The following FER1L6 variants were observed in gnomAD, a reference collection of about 807,000 sequenced individuals.
FER1L6 encodes fer-1 like family member 6, also known as fer-1-like protein 6.
In FER1L6, 177 loss-of-function variants were observed where a neutral mutation model predicts 219.2. The ratio of observed to expected loss-of-function variants is 0.81; its 90% confidence interval spans 0.71 to 0.91. FER1L6 has a LOEUF of 0.91. Ranked by LOEUF, FER1L6 falls within the 40% of genes least tolerant of loss-of-function variation. The pLI is 0.00. For missense variants in FER1L6, 2,153 were observed against 2,259.9 expected (o/e 0.95, Z 0.96); for synonymous variants, 768 against 824.3 (o/e 0.93, Z 1.17).
chr8:123,998,455 G>T (rs1435396512), intron 12 of FER1L6, among the ~76,000 whole-genome samples: 2 of 148,676 alleles, frequency 1.3e-5, no homozygotes, highest in Non-Finnish European at 3.0e-5. Context: ...TGGGGGAGGG[G>T]TGACACAAGC....
chr8:123,967,728 T>C (rs1815619484), intron 5 of FER1L6, among the ~76,000 whole-genome samples: 2 of 152,180 alleles, frequency 1.3e-5, no homozygotes, highest in South Asian at 2.1e-4. Flanking sequence ...GAGGCCGAGG[T>C]GGGCAGATCA....
At chr8:123,905,041 T>G (rs531078794) in intron 1 of FER1L6, among the ~76,000 whole-genome samples, 1 of 152,328 alleles carries the variant, frequency 6.6e-6, no homozygotes, top group East Asian at 1.9e-4. Flanking sequence ...GCCATTGAGT[T>G]TCATTTTAGC....
At chr8:123,919,363 T>G (rs145676339) in intron 1 of FER1L6, among the ~76,000 whole-genome samples, 23 of 152,324 alleles carry the variant, frequency 1.5e-4, no homozygotes, top group African/African-American at 5.5e-4. Flanking sequence ...CATTTACTCT[T>G]TATGTAAAGT....
Position 123,965,987 on chromosome 8 carries a change from A to G in FER1L6, c.198-20A>G, listed in dbSNP as rs564173154. 6.2e-7 allele frequency: 1 copy of G among 1,603,306 alleles called. No individual in the cohort carries two copies. Among genetic ancestry groups the G allele is most frequent in the African/African-American group, 1.3e-5 (1 of 74,852 alleles). ...TATTCTTCCTTGATGAAACAAACAT[A>G]TTAAACTTTCTTTTAATAGATCAAA... On this transcript the variant is annotated intron_variant, in intron 3 of 40. Coordinates refer to ENST00000522917, the MANE Select transcript of FER1L6 (RefSeq NM_001039112.2).
At chr8:123,917,216 C>T (rs1813215166) in intron 1 of FER1L6, among the ~76,000 whole-genome samples, 1 of 152,288 alleles carries the variant, frequency 6.6e-6, no homozygotes, top group South Asian at 2.1e-4. Flanking sequence ...ATAACTGTGC[C>T]AAACAGGAAG....
intron 13 of FER1L6, among the ~76,000 whole-genome samples, chr8:124,006,598 T>A (rs1303182166): frequency 6.6e-6 from 1 of 152,212 alleles, no homozygotes; most frequent in Non-Finnish European, 1.5e-5. Context: ...GGCTTTCCAG[T>A]GTTGCAAAGC....
rs1816555637 is a variant in FER1L6 at position 123,853,256 on chromosome 8, G to A, written c.-8+1071G>A. Among the ~76,000 whole-genome samples the A allele has an allele frequency of 6.6e-6, 1 of 152,192 alleles. No homozygotes were observed. Among genetic ancestry groups the A allele is most frequent in the Non-Finnish European group, 1.5e-5 (1 of 68,034 alleles). ...TGCAGCCGCCACCTCCCAGGTTCAA[G>A]TGAGTCTCGTGCCTCAGGCTCCAGA... On this transcript the variant is annotated intron_variant, in intron 1 of 40. Transcript: ENST00000522917. The surrounding 1 kb of genome is among the most constrained non-coding windows in gnomAD (Gnocchi z 6.6).
intron 1 of FER1L6, among the ~76,000 whole-genome samples, chr8:123,918,722 C>T (rs1031425082): frequency 1.3e-5 from 2 of 151,828 alleles, no homozygotes; most frequent in African/African-American, 4.8e-5. Context: ...GGGTGGTCAT[C>T]GAATGTTGGA....
At chr8:123,956,531 C>T (rs113129381) in intron 2 of FER1L6, among the ~76,000 whole-genome samples, 2,594 of 152,270 alleles carry the variant, frequency 0.017, 66 homozygotes, top group African/African-American at 0.058. Context: ...CCATCATCTT[C>T]GCAGTAGGTA....
In FER1L6 at chr8:123,852,098, C is replaced by T. The variant is rs560766735; in HGVS notation, c.-95C>T. The T allele has an allele frequency of 6.2e-4, 94 of 152,338 alleles. No individual in the cohort carries two copies. The highest frequency in any genetic ancestry group is 3.4e-3 in the Middle Eastern group (1 of 294). 9.4% of individuals were successfully genotyped at this position (152,338 alleles called of 1,614,324 possible). On this transcript the variant is annotated 5_prime_UTR_variant, in exon 1 of 41. Transcript: ENST00000522917. The surrounding 1 kb of genome is among the most constrained non-coding windows in gnomAD (Gnocchi z 4.9). ...GACCAGTGAATTCCACGAGCACGAA[C>T]CCACTGCTGCGCTTCATTTGCTGTG...
intron 1 of FER1L6, among the ~76,000 whole-genome samples, chr8:123,949,890 A>T (rs1262938072): frequency 1.3e-5 from 2 of 152,246 alleles, no homozygotes; most frequent in African/African-American, 4.8e-5. Context: ...TTTGGGGAGT[A>T]AAGGAAAAGC....
chr8:123,986,999 G>A (rs1816617637), intron 12 of FER1L6, among the ~76,000 whole-genome samples: 1 of 152,078 alleles, frequency 6.6e-6, no homozygotes, highest in South Asian at 2.1e-4. Context: ...ACATCTCTTC[G>A]ATATACTGAC....
At chr8:123,867,422 T>G (rs1816854515) in intron 1 of FER1L6, among the ~76,000 whole-genome samples, 1 of 152,152 alleles carries the variant, frequency 6.6e-6, no homozygotes, top group Non-Finnish European at 1.5e-5. Flanking sequence ...AGACAATAAT[T>G]CCAGTGCCTG....
rs145289193 is a variant in FER1L6, at chr8:124,105,296, C to T, written c.5289+1987C>T. Among the ~76,000 whole-genome samples, 232 of 152,146 alleles carry T rather than the reference C, an allele frequency of 1.5e-3. 1 individual carries two copies. The highest frequency in any genetic ancestry group is 3.4e-3 in the Middle Eastern group (1 of 294). ...ATGAACAAAAACCTCCCATAACTGGCGTGTGATGCATGAGGGCAGTGCTGG... is the reference window on the plus strand; with the variant it reads ...ATGAACAAAAACCTCCCATAACTGGTGTGTGATGCATGAGGGCAGTGCTGG... On this transcript the variant is annotated intron_variant, in intron 39 of 40. Transcript: ENST00000522917.
rs377618004 is a variant in FER1L6, at chr8:124,045,749, T to G, written c.2590-18T>G. ...TCAATTGAATGATCTTTTGCTTTTC[T>G]TTGGTCCCTGCTTCCAGATAATCTC... On this transcript the variant is annotated intron_variant, in intron 20 of 40. Coordinates refer to ENST00000522917, the MANE Select transcript of FER1L6 (RefSeq NM_001039112.2). The G allele has an allele frequency of 3.1e-6, 5 of 1,613,776 alleles. No homozygotes were observed. The highest frequency in any genetic ancestry group is 4.2e-6 in the Non-Finnish European group (5 of 1,179,918).
chr8:124,072,017 G>T (rs1821097436), intron 31 of FER1L6, among the ~76,000 whole-genome samples: 2 of 152,168 alleles, frequency 1.3e-5, no homozygotes, highest in South Asian at 4.1e-4. Context: ...TAGGAGTTAG[G>T]GGTTCAACAT....
At chr8:123,977,119 C>T (rs910805398) in intron 9 of FER1L6, among the ~76,000 whole-genome samples, 6 of 152,194 alleles carry the variant, frequency 3.9e-5, no homozygotes, top group East Asian at 1.9e-4. Context: ...AATATGAGCT[C>T]ATGGTCTAAC....
At chr8:123,970,867 A>C (rs1221751462) in intron 6 of FER1L6, among the ~76,000 whole-genome samples, 1 of 152,196 alleles carries the variant, frequency 6.6e-6, no homozygotes, top group Non-Finnish European at 1.5e-5. Flanking sequence ...CAAACTTTGC[A>C]CCATTCAGCA....
Position 124,064,500 on chromosome 8 carries a change from C to T in FER1L6, c.3482C>T (p.Pro1161Leu). The T allele has an allele frequency of 1.2e-6, 2 of 1,614,034 alleles. No individual in the cohort carries two copies. The highest frequency in any genetic ancestry group is 1.7e-6 in the Non-Finnish European group (2 of 1,179,982). ...QAQPAILVDV[P>L]DSSPMLEPEH... is the part of the protein sequence containing the mutation. ...CAGCCGGCCATCCTGGTTGACGTCCCTGACTCATCCCCGATGCTGGAGCCT... is the reference window on the plus strand; with the variant it reads ...CAGCCGGCCATCCTGGTTGACGTCCTTGACTCATCCCCGATGCTGGAGCCT... Residue 1161 changes from proline to leucine, a missense_variant, in exon 26 of 41, where the codon CCT (proline) becomes CTT (leucine). Coordinates refer to ENST00000522917, the MANE Select transcript of FER1L6 (RefSeq NM_001039112.2).
Sources: gnomAD v4.1 joint callset for allele counts (sites outside exome capture counted in the v4.1 genomes callset) on GRCh38, gnomAD v4.1.1 for gene constraint, Gnocchi (gnomAD v3.1) non-coding constraint, MANE v1.5 for transcripts, NCBI Gene and HGNC (gene_info 2026-07-23, HGNC 2026-07-21) for gene names.